CACNA1E: variants seen among roughly 807,000 people sequenced by gnomAD.
CACNA1E encodes the protein calcium voltage-gated channel subunit alpha1 E.
Under a neutral mutation model 259.2 loss-of-function variants are expected in CACNA1E, and 40 were observed. The ratio of observed to expected loss-of-function variants is 0.15; its 90% CI spans 0.12 to 0.20. The LOEUF (loss-of-function observed/expected upper bound fraction) is 0.20, where lower values mean the gene tolerates loss of function less well. Among genes scored for constraint, CACNA1E ranks in the 10% least tolerant of loss-of-function variants. CACNA1E has a pLI of 1.00. For synonymous variants in CACNA1E, 1,104 were observed against 1,138.5 expected, an observed-to-expected ratio of 0.97 and a Z score of 0.61; for missense variants, 1,874 against 3,040.1, an observed-to-expected ratio of 0.62 and a Z score of 9.02.
At chr1:181,726,515 T>C (rs1654919966) in intron 18 of CACNA1E, among the ~76,000 whole-genome samples, 1 of 152,034 alleles carries the variant, frequency 6.6e-6, no homozygotes. Context: ...ATGACAGTCA[T>C]GTGACATTTT....
At chr1:181,368,632 G>A (rs1654461185) in intron 1 of CACNA1E, among the ~76,000 whole-genome samples, 2 of 152,078 alleles carry the variant, frequency 1.3e-5, no homozygotes, top group Admixed American at 1.3e-4. Flanking sequence ...GGGTTGGGGG[G>A]CAGGACCAGG....
intron 1 of CACNA1E, among the ~76,000 whole-genome samples, chr1:181,388,358 A>T (rs1178512662): frequency 2.0e-5 from 3 of 152,234 alleles, no homozygotes; most frequent in Non-Finnish European, 4.4e-5. Flanking sequence ...AATGACAGGG[A>T]TACATTCTGA....
Position 181,732,505 on chromosome 1 carries a change from C to G in CACNA1E, c.2419C>G (p.Pro807Ala). ...LNREEAPTMN[P>A]LNPLNPLSSL... is the part of the protein sequence containing the mutation. ...CAGAGAGGAGGCGCCGACCATGAAC[C>G]CGCTCAACCCCCTCAACCCGCTCAG... The change falls in exon 20 of 48, where the codon CCG becomes GCG. Residue 807 changes from proline (P) to alanine (A), a missense_variant. Pro to Ala is a conservative substitution (Grantham distance 27, BLOSUM62 -1). Coordinates refer to ENST00000367573, the MANE Select transcript of CACNA1E (RefSeq NM_001205293.3). This position sits in a 1 kb window ranked among gnomAD's most constrained non-coding sequence, Gnocchi z 5.5. The G allele has an allele frequency of 6.4e-7, 1 of 1,551,422 alleles. No homozygotes were observed. The highest frequency in any genetic ancestry group is 1.2e-5 in the South Asian group (1 of 84,060).
intron 6 of CACNA1E, among the ~76,000 whole-genome samples, chr1:181,607,946 C>T (rs1654389700): frequency 6.6e-6 from 1 of 152,150 alleles, no homozygotes; most frequent in Non-Finnish European, 1.5e-5. Context: ...AGAAGCCATA[C>T]TTAGACCCTG....
In CACNA1E at chr1:181,572,924, C is replaced by A. The variant is rs541269542; in HGVS notation, c.513-4842C>A. On this transcript the variant is annotated intron_variant, in intron 3 of 47. Transcript: ENST00000367573. ...GAATGAAGGGAAGAATGCTCACTTG[C>A]CTGTTTGGGGATGAAAACTAAAAAA... Among the ~76,000 whole-genome samples the A allele has an allele frequency of 2.0e-5, 3 of 152,152 alleles. No homozygotes were observed. In the South Asian group the frequency reaches 6.2e-4, roughly 32 times the overall value.
intron 8 of CACNA1E, 27 bp downstream of exon 8, chr1:181,711,096 G>A: frequency 6.7e-7 from 1 of 1,483,580 alleles, no homozygotes; most frequent in Non-Finnish European, 9.4e-7. Context: ...GCAGGAGGCT[G>A]GTGAGTGGGC....
intron 3 of CACNA1E, among the ~76,000 whole-genome samples, chr1:181,573,463 A>AG (rs1023565177): frequency 3.9e-5 from 6 of 152,194 alleles, no homozygotes; most frequent in Admixed American, 3.9e-4. Context: ...CTTTGCTAGG[A>AG]GGCAAGTCTT....
intron 2 of CACNA1E, among the ~76,000 whole-genome samples, chr1:181,452,257 T>C (rs1661203034): frequency 6.6e-6 from 1 of 152,248 alleles, no homozygotes; most frequent in African/African-American, 2.4e-5. Context: ...ATGCCTTTTA[T>C]GAGACTGTGC....
chr1:181,557,895 T>C (rs1466446599), intron 3 of CACNA1E, among the ~76,000 whole-genome samples: 1 of 152,220 alleles, frequency 6.6e-6, no homozygotes, highest in African/African-American at 2.4e-5. Flanking sequence ...AGGCCTTGAA[T>C]AAGATTCAGA....
At chr1:181,751,169 T>C (rs1657563046) in intron 26 of CACNA1E, among the ~76,000 whole-genome samples, 1 of 152,218 alleles carries the variant, frequency 6.6e-6, no homozygotes, top group Admixed American at 6.5e-5. Context: ...ATTTGTGTGT[T>C]TTATAAATGA....
chr1:181,349,377 C>T (rs1288425602), intron 1 of CACNA1E, among the ~76,000 whole-genome samples: 2 of 152,226 alleles, frequency 1.3e-5, no homozygotes, highest in African/African-American at 4.8e-5. Context: ...CGGGGAGCCC[C>T]AGTCTTGTTG....
intron 23 of CACNA1E, 109 bp from the exon 24 acceptor site, chr1:181,738,258 G>A: frequency 2.4e-6 from 2 of 830,074 alleles, no homozygotes; most frequent in African/African-American, 1.7e-5. Flanking sequence ...TGCAGTGGGT[G>A]AGGGCCAGGG....
At chr1:181,608,797 T>C (rs930424031) in intron 6 of CACNA1E, among the ~76,000 whole-genome samples, 4 of 152,240 alleles carry the variant, frequency 2.6e-5, no homozygotes, top group East Asian at 3.8e-4. Context: ...TTGGGACATC[T>C]CTGCTACTGT....
Position 181,527,623 on chromosome 1 carries a change from G to C in CACNA1E, c.512+16113G>C, listed in dbSNP as rs551203272. Among the ~76,000 whole-genome samples the C allele has an allele frequency of 6.6e-5, 10 of 152,310 alleles. No individual in the cohort carries two copies. The East Asian group carries it at 7.7e-4, about 12-fold the overall frequency. On this transcript the variant is annotated intron_variant, in intron 3 of 47. Transcript: ENST00000367573. ...AACAAAATGCTGGCTGATATATATG[G>C]TCTTCTTTTTCTCTCTGTATTCTTT...
At chr1:181,381,827 G>T (rs1323231943) in intron 1 of CACNA1E, among the ~76,000 whole-genome samples, 1 of 152,138 alleles carries the variant, frequency 6.6e-6, no homozygotes, top group Non-Finnish European at 1.5e-5. Flanking sequence ...AATAGGAGCT[G>T]GTTTGTAAAA....
intron 44 of CACNA1E, among the ~76,000 whole-genome samples, chr1:181,791,807 T>C (rs962853920): frequency 1.3e-5 from 2 of 152,300 alleles, no homozygotes; most frequent in Non-Finnish European, 2.9e-5. Context: ...TCCCCTTCAT[T>C]TCTCTCCTGA....
At chr1:181,429,791 T>C in intron 2 of CACNA1E, among the ~76,000 whole-genome samples, 1 of 152,210 alleles carries the variant, frequency 6.6e-6, no homozygotes, top group South Asian at 2.1e-4. Flanking sequence ...AATATGGGTG[T>C]CTAGACCCCA....
At chr1:181,561,176 T>C (rs933636171) in intron 3 of CACNA1E, among the ~76,000 whole-genome samples, 2 of 152,158 alleles carry the variant, frequency 1.3e-5, no homozygotes, top group African/African-American at 4.8e-5. Context: ...TGTACAACAA[T>C]AGGAATGTAC....
At chr1:181,628,014 A>G (rs946171887) in intron 6 of CACNA1E, among the ~76,000 whole-genome samples, 2 of 152,212 alleles carry the variant, frequency 1.3e-5, no homozygotes, top group African/African-American at 4.8e-5. Flanking sequence ...GTTAAGTCAT[A>G]TTTTTTAAAA....
Sources: allele counts gnomAD v4.1 joint callset (sites outside exome capture counted in the v4.1 genomes callset), GRCh38; gene constraint gnomAD v4.1.1; non-coding constraint Gnocchi (gnomAD v3.1); transcripts MANE v1.5; gene names NCBI Gene and HGNC (gene_info 2026-07-23, HGNC 2026-07-21).